Variants in TSHZ1 observed in about 807,000 individuals in gnomAD.
TSHZ1 encodes the protein teashirt homolog 1.
Under a neutral mutation model 67.1 loss-of-function variants are expected in TSHZ1, and 12 were observed. The observed-to-expected ratio is 0.18, with a 90% CI of 0.11 to 0.29. The LOEUF (loss-of-function observed/expected upper bound fraction) is 0.29, where lower values mean the gene tolerates loss of function less well. TSHZ1 is among the 10% of genes least tolerant of loss of function. The pLI is 1.00. For synonymous variants in TSHZ1, 632 were observed against 622.4 expected (o/e 1.02, Z -0.23); for missense variants, 1,305 against 1,413.9 (o/e 0.92, Z 1.23).
intron 1 of TSHZ1, among the ~76,000 whole-genome samples, chr18:75,266,748 T>G (rs1174985310): frequency 6.6e-6 from 1 of 152,238 alleles, no homozygotes; most frequent in African/African-American, 2.4e-5. Context: ...AGCTGGGCGC[T>G]GAGTCCTGGC....
At chr18:75,245,511 G>T (rs756258296) in intron 1 of TSHZ1, 1 of 152,206 alleles carries the variant, frequency 6.6e-6, no homozygotes, top group Admixed American at 6.5e-5. Context: ...TCTCTTAAAA[G>T]GAAAAGGTCA....
intron 1 of TSHZ1, among the ~76,000 whole-genome samples, chr18:75,243,593 A>G (rs1016597145): frequency 5.9e-5 from 9 of 152,260 alleles, no homozygotes; most frequent in South Asian, 4.2e-4. Flanking sequence ...GGATGAATCA[A>G]TGTGGGTTTG....
chr18:75,244,127 C>A (rs529587124), intron 1 of TSHZ1, among the ~76,000 whole-genome samples: 1 of 152,090 alleles, frequency 6.6e-6, no homozygotes, highest in African/African-American at 2.4e-5. Context: ...TTGAAGACAG[C>A]GTGGTGGAGC....
intron 1 of TSHZ1, among the ~76,000 whole-genome samples, chr18:75,275,224 G>A (rs1024069303): frequency 1.3e-5 from 2 of 152,164 alleles, no homozygotes; most frequent in Non-Finnish European, 2.9e-5. Flanking sequence ...TGAGACATAA[G>A]CCCTTTGTGG....
At chr18:75,282,827 C>T (rs1247649029) in intron 1 of TSHZ1, 3 of 152,364 alleles carry the variant, frequency 2.0e-5, no homozygotes, top group African/African-American at 7.2e-5. Flanking sequence ...TATTAGCACA[C>T]ACAGGTTGGC....
At chr18:75,241,195 T>C (rs959844673) in intron 1 of TSHZ1, among the ~76,000 whole-genome samples, 12 of 152,278 alleles carry the variant, frequency 7.9e-5, no homozygotes, top group African/African-American at 2.9e-4. Flanking sequence ...GGGTCGTGTC[T>C]CTAGTATGCA....
intron 1 of TSHZ1, among the ~76,000 whole-genome samples, chr18:75,280,356 C>T (rs189374579): frequency 6.6e-6 from 1 of 152,350 alleles, no homozygotes; most frequent in Admixed American, 6.5e-5. Flanking sequence ...TTTAACATTT[C>T]TCTCCCTTTA....
At chr18:75,213,474 T>G (rs531078025) in intron 1 of TSHZ1, among the ~76,000 whole-genome samples, 1 of 152,334 alleles carries the variant, frequency 6.6e-6, no homozygotes, top group South Asian at 2.1e-4. Context: ...AGAGGGATTT[T>G]TTTTTAAATG....
intron 1 of TSHZ1, among the ~76,000 whole-genome samples, chr18:75,249,973 G>A (rs1002460019): frequency 6.7e-6 from 1 of 149,106 alleles, no homozygotes; most frequent in Non-Finnish European, 1.5e-5. Context: ...CCCTCCAGTT[G>A]GTGGGGGGCG....
Position 75,287,646 on chromosome 18 carries a change from A to G in TSHZ1, c.2239A>G (p.Ser747Gly), listed in dbSNP as rs2023796885. The change falls in exon 2 of 2, where the codon AGC (serine) becomes GGC (glycine). Residue 747 changes from serine to glycine, a missense_variant. Physicochemically the swap from Ser to Gly is moderately conservative, Grantham distance 56 (BLOSUM62 0). This residue lies in a region of TSHZ1 where 909 missense variants were observed against 961.8 expected (regional missense o/e 0.95). Coordinates refer to ENST00000580243, the MANE Select transcript of TSHZ1 (RefSeq NM_001308210.2). This position sits in a 1 kb window ranked among gnomAD's most constrained non-coding sequence, Gnocchi z 5.0. ...SPEPSFINPLSALQSIMNTHL... is the reference protein window; with the variant it reads ...SPEPSFINPLGALQSIMNTHL... ...GGAGCCTTCCTTCATCAACCCGCTG[A>G]GCGCTTTGCAGTCCATCATGAACAC... The G allele has an allele frequency of 1.2e-6, 2 of 1,614,038 alleles. No homozygotes were observed. Among genetic ancestry groups the G allele is most frequent in the African/African-American group, 1.3e-5 (1 of 74,928 alleles).
At chr18:75,225,579 G>C (rs1331662199) in intron 1 of TSHZ1, among the ~76,000 whole-genome samples, 1 of 152,184 alleles carries the variant, frequency 6.6e-6, no homozygotes, top group African/African-American at 2.4e-5. Context: ...GAGCCCCACT[G>C]TCGTGGAAAT....
At chr18:75,246,194 A>G (rs2023219693) in intron 1 of TSHZ1, among the ~76,000 whole-genome samples, 1 of 152,248 alleles carries the variant, frequency 6.6e-6, no homozygotes, top group Admixed American at 6.5e-5. Context: ...ACGAAAGACC[A>G]GCTCCAGTTC....
rs1223934787 is a variant in TSHZ1, at chr18:75,281,406, G to C, written c.41-4042G>C. The stretch of plus-strand genomic sequence containing the variant: ...GGAGAGGGCGGTGGGGTGTCATTTT[G>C]TTTGCACACAACGTAGGTGTGATGT... On this transcript the variant is annotated intron_variant, in intron 1 of 1. Transcript: ENST00000580243. This position sits in a 1 kb window ranked among gnomAD's most constrained non-coding sequence, Gnocchi z 5.3. 1.3e-5 allele frequency among the ~76,000 whole-genome samples: 2 copies of C among 152,184 alleles called. No homozygotes were observed. The highest frequency in any genetic ancestry group is 4.8e-5 in the African/African-American group (2 of 41,446).
At chr18:75,234,111 A>T (rs1255043134) in intron 1 of TSHZ1, among the ~76,000 whole-genome samples, 1 of 152,172 alleles carries the variant, frequency 6.6e-6, no homozygotes, top group Non-Finnish European at 1.5e-5. Flanking sequence ...AGAGAAGCTG[A>T]AATCTATTCT....
At position 75,281,713 on chromosome 18, in the gene TSHZ1, G is replaced by A. The variant is rs1052553078; in HGVS notation, c.41-3735G>A. Among the ~76,000 whole-genome samples the A allele has an allele frequency of 4.6e-5, 7 of 152,112 alleles. No homozygotes were observed. The highest frequency in any genetic ancestry group is 1.3e-4 in the Admixed American group (2 of 15,282). Reference sequence around the variant, plus strand: ...CAGCTCAGAACGGGGAGCGGGTAGCGGTCACCGAGGGTCTGGAGACGAGGG... The same window carrying A: ...CAGCTCAGAACGGGGAGCGGGTAGCAGTCACCGAGGGTCTGGAGACGAGGG... On this transcript the variant is annotated intron_variant, in intron 1 of 1. Transcript: ENST00000580243. The surrounding 1 kb of genome is among the most constrained non-coding windows in gnomAD (Gnocchi z 5.3).
intron 1 of TSHZ1, among the ~76,000 whole-genome samples, chr18:75,236,615 G>C (rs1306560897): frequency 6.6e-6 from 1 of 152,096 alleles, no homozygotes; most frequent in Non-Finnish European, 1.5e-5. Flanking sequence ...TAAACTCCAT[G>C]GGGACAGGGG....
intron 1 of TSHZ1, among the ~76,000 whole-genome samples, chr18:75,216,535 A>G (rs1313231924): frequency 6.6e-6 from 1 of 152,144 alleles, no homozygotes; most frequent in East Asian, 1.9e-4. Context: ...GATAACGAAA[A>G]CTGTTTCACT....
At chr18:75,235,387 A>G (rs2023054552) in intron 1 of TSHZ1, among the ~76,000 whole-genome samples, 1 of 152,100 alleles carries the variant, frequency 6.6e-6, no homozygotes. Context: ...TCCCAGCTCT[A>G]TACCTGCAGA....
chr18:75,251,441 T>C (rs1318734776), intron 1 of TSHZ1, among the ~76,000 whole-genome samples: 1 of 151,404 alleles, frequency 6.6e-6, no homozygotes, highest in Non-Finnish European at 1.5e-5. Flanking sequence ...CACTAAATGG[T>C]GAACAGCTTT....
Sources: gnomAD v4.1 joint callset for allele counts (sites outside exome capture counted in the v4.1 genomes callset) on GRCh38, gnomAD v4.1.1 for gene constraint, gnomAD v4.1.1 regional missense constraint, Gnocchi (gnomAD v3.1) non-coding constraint, MANE v1.5 for transcripts, NCBI Gene and HGNC (gene_info 2026-07-23, HGNC 2026-07-21) for gene names.